The following TMEM72 variants were observed in gnomAD, a reference collection of about 807,000 sequenced individuals.
TMEM72 encodes transmembrane protein 72, also known as kidney-specific secretory protein of 37 kDa.
A neutral mutation model predicts 16.3 loss-of-function variants in TMEM72; 9 were observed. The ratio of observed to expected loss-of-function variants is 0.55; its 90% CI spans 0.33 to 0.96. The LOEUF is 0.96. Among genes scored for constraint, TMEM72 ranks in the 40% least tolerant of loss-of-function variants. The pLI is 0.03. For synonymous variants in TMEM72, 160 were observed against 146.5 expected (o/e 1.09, Z -0.66); for missense variants, 324 against 337.8 (o/e 0.96, Z 0.32).
At chr10:44,931,014 C>T (rs1036076096) in intron 2 of TMEM72, among the ~76,000 whole-genome samples, 3 of 152,196 alleles carry the variant, frequency 2.0e-5, no homozygotes, top group African/African-American at 7.2e-5. Flanking sequence ...ATAAGCCCGA[C>T]CCACTGTGAG....
rs547939177 is a variant in TMEM72, at chr10:44,930,523, T to C, written c.138-1475T>C. On this transcript the variant is annotated intron_variant, in intron 2 of 4. Transcript: ENST00000389583. ...TTATTATAATATAATATAGTACTTA[T>C]TATAAAATTGTTGCAAGGACTAAAT... Among the ~76,000 whole-genome samples the C allele has an allele frequency of 1.8e-3, 274 of 152,324 alleles. 1 individual carries two copies. The highest frequency in any genetic ancestry group is 6.2e-3 in the African/African-American group (258 of 41,568).
intron 1 of TMEM72, among the ~76,000 whole-genome samples, chr10:44,922,770 C>T (rs1840122247): frequency 6.6e-6 from 1 of 152,178 alleles, no homozygotes; most frequent in East Asian, 1.9e-4. Flanking sequence ...GTGGAAGTCC[C>T]CAGACACCAT....
rs932603481 is a variant in TMEM72, at chr10:44,933,883, C to T, written c.349+107C>T. 4.4e-6 allele frequency: 6 copies of T among 1,377,502 alleles called. No individual in the cohort carries two copies. In the African/African-American group the frequency reaches 5.8e-5, roughly 13 times the overall value. 85.3% of individuals were successfully genotyped at this position (1,377,502 alleles called of 1,614,324 possible). ...TCCAGTGGTGGCTCCAGGGACCTTA[C>T]CTGCCCCACTGCCCTCTCTGACCTA... is the stretch of plus-strand genomic sequence containing the variant. On this transcript the variant is annotated intron_variant, in intron 4 of 4. Coordinates refer to ENST00000389583, the MANE Select transcript of TMEM72 (RefSeq NM_001123376.3).
At chr10:44,912,259 C>T (rs1030362695) in intron 1 of TMEM72, among the ~76,000 whole-genome samples, 2 of 152,184 alleles carry the variant, frequency 1.3e-5, no homozygotes, top group Non-Finnish European at 2.9e-5. Context: ...CTCAACTGGA[C>T]AGGAGGGCAG....
At chr10:44,924,284 T>A (rs1840149301) in intron 1 of TMEM72, among the ~76,000 whole-genome samples, 1 of 152,178 alleles carries the variant, frequency 6.6e-6, no homozygotes, top group African/African-American at 2.4e-5. Context: ...CCTAGTCCAC[T>A]CTACCTTCAT....
intron 1 of TMEM72, among the ~76,000 whole-genome samples, chr10:44,921,212 A>T (rs1048094338): frequency 6.6e-6 from 1 of 152,200 alleles, no homozygotes; most frequent in Non-Finnish European, 1.5e-5. Flanking sequence ...GGTGCGATGC[A>T]AGGCACCTCC....
rs1840007405 is a variant in TMEM72 at position 44,915,926 on chromosome 10, CCT to C, written c.70+4345_70+4346del. Reference sequence around the variant, plus strand: ...GGGGGAACTATCACAGTAGGGCTTGCCTTGATGGGTCCAGAGGTGCAGGGCTG... The same window carrying C: ...GGGGGAACTATCACAGTAGGGCTTGCTGATGGGTCCAGAGGTGCAGGGCTG... On this transcript the variant is annotated intron_variant, in intron 1 of 4. Coordinates refer to ENST00000389583, the MANE Select transcript of TMEM72 (RefSeq NM_001123376.3). 2.0e-5 allele frequency among the ~76,000 whole-genome samples: 3 copies of C among 152,222 alleles called. No individual in the cohort carries two copies. In the South Asian group the frequency reaches 6.2e-4, roughly 32 times the overall value.
chr10:44,935,389 T>C lies in TMEM72; in HGVS notation c.*255T>C, dbSNP rs962328843. 2 of 438,722 alleles carry C rather than the reference T, an allele frequency of 4.6e-6. No individual in the cohort carries two copies. Among genetic ancestry groups the C allele is most frequent in the Non-Finnish European group, 8.1e-6 (2 of 247,902 alleles). 27.2% of individuals were successfully genotyped at this position (438,722 alleles called of 1,614,324 possible). ...CTCCTGGCCACAGGTGGGGAAACCCTTATGCTTCCCCAACAAGACCATCAC... is the reference window on the plus strand; with the variant it reads ...CTCCTGGCCACAGGTGGGGAAACCCCTATGCTTCCCCAACAAGACCATCAC... On this transcript the variant is annotated 3_prime_UTR_variant, in exon 5 of 5. Coordinates refer to ENST00000389583, the MANE Select transcript of TMEM72 (RefSeq NM_001123376.3).
At position 44,934,734 on chromosome 10, in the gene TMEM72, T is replaced by C; in HGVS notation, c.428T>C (p.Leu143Pro). ...AAGAGGAAAGCTGCCCCCGAGGTGC[T>C]GGCCTCCCCAGAGCAGTACACAGAC... ...RKKRKAAPEV[L>P]ASPEQYTDPS... The change falls in exon 5 of 5, where the codon CTG (leucine) becomes CCG (proline). Residue 143 changes from leucine to proline, a missense_variant. Leu to Pro is a moderately conservative substitution (Grantham distance 98). Transcript: ENST00000389583. 1.2e-6 allele frequency: 2 copies of C among 1,612,568 alleles called. No homozygotes were observed. Among genetic ancestry groups the C allele is most frequent in the South Asian group, 2.2e-5 (2 of 90,884 alleles).
In TMEM72 at chr10:44,933,688, G is replaced by A. The variant is rs114251658; in HGVS notation, c.261G>A (p.Leu87=). The change falls in exon 4 of 5, where the codon CTG becomes CTA. Residue 87 remains leucine (L), a synonymous_variant. Transcript: ENST00000389583. Reference sequence around the variant, plus strand: ...GAGTAAGGGAGAAAGCCCACTGGCTGGGCTGCTTCCAGAAGTTCCTGGCCT... The same window carrying A: ...GAGTAAGGGAGAAAGCCCACTGGCTAGGCTGCTTCCAGAAGTTCCTGGCCT... ...ADRVREKAHW[L]GCFQKFLAYL... 8.0e-4 allele frequency: 1,294 copies of A among 1,614,126 alleles called. 8 individuals carry two copies. The African/African-American group carries it at 0.015, about 19-fold the overall frequency.
At chr10:44,922,966 C>G (rs1353665031) in intron 1 of TMEM72, 1 of 152,260 alleles carries the variant, frequency 6.6e-6, no homozygotes, top group African/African-American at 2.4e-5. Context: ...GTTAACCTTG[C>G]ATGGCTGCAT....
chr10:44,925,880 A>T (rs954185481), intron 1 of TMEM72, among the ~76,000 whole-genome samples: 2 of 152,136 alleles, frequency 1.3e-5, no homozygotes, highest in African/African-American at 4.8e-5. Context: ...TTGCCTGCAC[A>T]TCACACATAT....
In TMEM72 at chr10:44,927,988, G is replaced by T; in HGVS notation, c.137+1G>T. 6.2e-7 allele frequency: 1 copy of T among 1,613,390 alleles called. No individual in the cohort carries two copies. Among genetic ancestry groups the T allele is most frequent in the African/African-American group, 1.3e-5 (1 of 75,030 alleles). ...TCAAAAGCCTGGCTTTCTATCTGCT[G>T]TGAGTATGTGTGCATGTGCCACTTT... On this transcript the variant is annotated splice_donor_variant, in intron 2 of 4. Coordinates refer to ENST00000389583, the MANE Select transcript of TMEM72 (RefSeq NM_001123376.3). LOFTEE classifies it high-confidence loss of function.
At chr10:44,932,297 A>G (rs901301359) in intron 3 of TMEM72, among the ~76,000 whole-genome samples, 1 of 152,208 alleles carries the variant, frequency 6.6e-6, no homozygotes, top group Non-Finnish European at 1.5e-5. Flanking sequence ...TGACACAGTC[A>G]TTCAGGGCCT....
intron 1 of TMEM72, among the ~76,000 whole-genome samples, chr10:44,923,641 G>A (rs544532802): frequency 2.6e-5 from 4 of 152,314 alleles, no homozygotes; most frequent in East Asian, 1.9e-4. Flanking sequence ...TCTACATGGC[G>A]TGTGGTGGCA....
At chr10:44,915,853 C>A (rs1347717181) in intron 1 of TMEM72, among the ~76,000 whole-genome samples, 1 of 152,130 alleles carries the variant, frequency 6.6e-6, no homozygotes, top group Non-Finnish European at 1.5e-5. Context: ...CTAGCCAAAT[C>A]TGCTCCTGGA....
chr10:44,913,079 C>A (rs1839960234), intron 1 of TMEM72, among the ~76,000 whole-genome samples: 2 of 152,162 alleles, frequency 1.3e-5, no homozygotes, highest in African/African-American at 4.8e-5. Context: ...AGTGGAGGCA[C>A]TGAGGGAGGA....
At chr10:44,914,400 C>T (rs1839983840) in intron 1 of TMEM72, among the ~76,000 whole-genome samples, 1 of 152,240 alleles carries the variant, frequency 6.6e-6, no homozygotes, top group African/African-American at 2.4e-5. Flanking sequence ...TTTGCTTCAC[C>T]TCCCTGGCTC....
intron 2 of TMEM72, among the ~76,000 whole-genome samples, chr10:44,930,347 C>G (rs1231452927): frequency 6.6e-6 from 1 of 152,186 alleles, no homozygotes; most frequent in African/African-American, 2.4e-5. Flanking sequence ...TTGCAAAACA[C>G]GTCTTGATGT....
Sources: gnomAD v4.1 joint callset for allele counts (sites outside exome capture counted in the v4.1 genomes callset) on GRCh38, gnomAD v4.1.1 for gene constraint, MANE v1.5 for transcripts, NCBI Gene and HGNC (gene_info 2026-07-23, HGNC 2026-07-21) for gene names.